The following KIF3A variants were observed in gnomAD, a reference collection of about 807,000 sequenced individuals.
KIF3A encodes kinesin family member 3A, also known as kinesin-like protein KIF3A.
In KIF3A, 27 loss-of-function variants were observed where a neutral mutation model predicts 92.6. The observed-to-expected ratio is 0.29, with a 90% CI of 0.21 to 0.40. The LOEUF (loss-of-function observed/expected upper bound fraction) is 0.40, where lower values mean the gene tolerates loss of function less well. Ranked by LOEUF, KIF3A falls within the 10% of genes least tolerant of loss-of-function variation. The pLI is 1.00. For synonymous variants in KIF3A, 250 were observed against 275.4 expected (o/e 0.91, Z 0.92); for missense variants, 581 against 872.6 (o/e 0.67, Z 4.21).
At chr5:132,724,578 G>A (rs1158244076) in intron 4 of KIF3A, among the ~76,000 whole-genome samples, 1 of 151,498 alleles carries the variant, frequency 6.6e-6, no homozygotes, top group Admixed American at 6.6e-5. Flanking sequence ...TCACTTATAG[G>A]TGAGAACTGA....
At chr5:132,702,336 G>T in intron 14 of KIF3A, 124 bp from the exon 15 acceptor site, 1 of 912,902 alleles carries the variant, frequency 1.1e-6, no homozygotes, top group Non-Finnish European at 1.6e-6. Flanking sequence ...TTATAAAAAT[G>T]ATAAACAGCG....
Position 132,737,530 on chromosome 5 carries a change from C to T in KIF3A, c.-111G>A, listed in dbSNP as rs1040169943. 90 of 1,289,748 alleles carry T rather than the reference C, an allele frequency of 7.0e-5. No individual in the cohort carries two copies. The Middle Eastern group carries it at 1.7e-3, about 24-fold the overall frequency. The allele number at this position is 1,289,748 out of a possible 1,614,324, so 79.9% of individuals were successfully genotyped here. On this transcript the variant is annotated 5_prime_UTR_variant, in exon 1 of 19. Coordinates refer to ENST00000403231, the MANE Select transcript of KIF3A (RefSeq NM_001300791.2). ...TACCGAAACACCTCGTTGACGCTCTCGAGACTGCGGCTTCTCGGGCGAGAG... is the reference window on the plus strand; with the variant it reads ...TACCGAAACACCTCGTTGACGCTCTTGAGACTGCGGCTTCTCGGGCGAGAG...
chr5:132,726,420 C>T lies in KIF3A; in HGVS notation c.359G>A (p.Arg120Lys). The change falls in exon 3 of 19, where the codon AGA becomes AAA. Residue 120 changes from arginine (R) to lysine (K), a missense_variant. Physicochemically the swap from Arg to Lys is conservative, Grantham distance 26 (BLOSUM62 2). This residue lies in a region of KIF3A where 217 missense variants were observed against 299.7 expected (regional missense o/e 0.72). Transcript: ENST00000403231. The stretch of plus-strand genomic sequence containing the variant: ...AGCAAATGAATTGGGAATTATTCCT[C>T]TAAGTTCAGGAATAGCTCGAACACC... ...MEGVRAIPEL[R>K]GIIPNSFAHI... The T allele has an allele frequency of 1.2e-6, 2 of 1,613,266 alleles. No individual in the cohort carries two copies. Among genetic ancestry groups the T allele is most frequent in the Non-Finnish European group, 1.7e-6 (2 of 1,179,264 alleles).
In KIF3A at chr5:132,702,803, C is replaced by T. The variant is rs867460278; in HGVS notation, c.1647+82G>A. 36 of 1,406,768 alleles carry T rather than the reference C, an allele frequency of 2.6e-5. No homozygotes were observed. The Middle Eastern group carries it at 1.3e-3, about 49-fold the overall frequency. The allele number at this position is 1,406,768 out of a possible 1,614,324, so 87.1% of individuals were successfully genotyped here. A position where few individuals can be genotyped will look rare whatever the true frequency, so the allele number is the denominator to read the frequency against. ...ATAAATATGCTTTAAAATTTCAATA[C>T]GATTATAGATATTTAGCTTTCCACT... On this transcript the variant is annotated intron_variant, in intron 13 of 18. Transcript: ENST00000403231.
chr5:132,725,296 C>T (rs145796738), intron 4 of KIF3A, among the ~76,000 whole-genome samples: 221 of 152,182 alleles, frequency 1.5e-3, no homozygotes, highest in African/African-American at 4.9e-3. Context: ...ATCCTTAACA[C>T]TGTAATACAC....
chr5:132,715,779 T>G lies in KIF3A; in HGVS notation c.1107A>C (p.Glu369Asp). ...LLRQFQKEIE[E>D]LKKKLEEGEE... Reference sequence around the variant, plus strand: ...TACCTTCTTCAAGCTTCTTTTTCAGTTCTTCTATTTCTTTCTGGAACTGAC... The same window carrying G: ...TACCTTCTTCAAGCTTCTTTTTCAGGTCTTCTATTTCTTTCTGGAACTGAC... The change falls in exon 8 of 19, where the codon GAA becomes GAC. Residue 369 changes from glutamate to aspartate, a missense_variant. Coordinates refer to ENST00000403231, the MANE Select transcript of KIF3A (RefSeq NM_001300791.2). The G allele has an allele frequency of 6.2e-7, 1 of 1,606,758 alleles. No individual in the cohort carries two copies. The highest frequency in any genetic ancestry group is 8.5e-7 in the Non-Finnish European group (1 of 1,178,044).
In KIF3A at chr5:132,720,917, G is replaced by A. The variant is rs181186329; in HGVS notation, c.511-203C>T. On this transcript the variant is annotated intron_variant, in intron 4 of 18. Transcript: ENST00000403231. ...AAAATTATTTTATTTCAATTGTGAT[G>A]ACATGAAGAAAAATACAGAAAAAGT... is the stretch of plus-strand genomic sequence containing the variant. Among the ~76,000 whole-genome samples the A allele has an allele frequency of 2.0e-3, 303 of 152,248 alleles. 1 individual carries two copies. The highest frequency in any genetic ancestry group is 3.4e-3 in the Middle Eastern group (1 of 294).
chr5:132,734,865 C>A (rs1490877355), intron 1 of KIF3A, among the ~76,000 whole-genome samples: 1 of 152,146 alleles, frequency 6.6e-6, no homozygotes, highest in Non-Finnish European at 1.5e-5. Flanking sequence ...AATAGTAGGT[C>A]CTTTGTTTCC....
downstream of KIF3A, among the ~76,000 whole-genome samples, chr5:132,690,119 G>A (rs906736646): frequency 6.6e-6 from 1 of 152,224 alleles, no homozygotes; most frequent in Non-Finnish European, 1.5e-5. Context: ...GGCAGGCTGA[G>A]GCCGGAGAAT....
chr5:132,714,347 A>G (rs550794353), intron 8 of KIF3A, among the ~76,000 whole-genome samples: 9 of 152,368 alleles, frequency 5.9e-5, no homozygotes, highest in East Asian at 1.9e-4. Context: ...CTGAAGACGG[A>G]TAACTGCAGA....
intron 9 of KIF3A, 29 bp from the exon 10 acceptor site, chr5:132,709,007 G>A: frequency 6.7e-7 from 1 of 1,494,548 alleles, no homozygotes; most frequent in Non-Finnish European, 9.1e-7. Context: ...AGCCCAACAG[G>A]AACCAAAGAA....
chr5:132,717,679 T>C (rs76325556), intron 5 of KIF3A, among the ~76,000 whole-genome samples: 26 of 152,208 alleles, frequency 1.7e-4, no homozygotes, highest in Non-Finnish European at 3.1e-4. Flanking sequence ...TATTTGCATA[T>C]GTGTAAATAT....
chr5:132,735,304 A>T (rs2149925357), intron 1 of KIF3A, among the ~76,000 whole-genome samples: 1 of 152,292 alleles, frequency 6.6e-6, no homozygotes, highest in South Asian at 2.1e-4. Context: ...CGAACTCCTG[A>T]CCGCAAGTGA....
At chr5:132,735,305 C>T (rs957958656) in intron 1 of KIF3A, among the ~76,000 whole-genome samples, 1 of 152,140 alleles carries the variant, frequency 6.6e-6, no homozygotes, top group African/African-American at 2.4e-5. Flanking sequence ...GAACTCCTGA[C>T]CGCAAGTGAT....
At chr5:132,720,741 A>AT (rs768553346) in intron 4 of KIF3A, 27 bp from the exon 5 acceptor site, 25 of 1,262,468 alleles carry the variant, frequency 2.0e-5, no homozygotes, top group Non-Finnish European at 2.7e-5. Flanking sequence ...ACTTTATACT[A>AT]TATCAATAAC....
At position 132,692,844 on chromosome 5, in the gene KIF3A, A is replaced by G. The variant is rs1230917003; in HGVS notation, c.*3790T>C. 3 of 152,896 alleles carry G rather than the reference A, an allele frequency of 2.0e-5. No homozygotes were observed. The highest frequency in any genetic ancestry group is 2.1e-4 in the South Asian group (1 of 4,830). 9.5% of individuals were successfully genotyped at this position (152,896 alleles called of 1,614,324 possible). Reference sequence around the variant, plus strand: ...TTCATTAAATTAGTCAGACTACAGTATAAGTTCAAAGGCACTAGAAACATC... The same window carrying G: ...TTCATTAAATTAGTCAGACTACAGTGTAAGTTCAAAGGCACTAGAAACATC... On this transcript the variant is annotated 3_prime_UTR_variant, in exon 19 of 19. Coordinates refer to ENST00000403231, the MANE Select transcript of KIF3A (RefSeq NM_001300791.2).
intron 7 of KIF3A, 141 bp downstream of exon 7, chr5:132,716,104 C>A: frequency 1.2e-6 from 1 of 845,494 alleles, no homozygotes; most frequent in South Asian, 1.8e-5. Flanking sequence ...GGCTAATACA[C>A]GAGTGTACCA....
downstream of KIF3A, among the ~76,000 whole-genome samples, chr5:132,691,577 T>TA (rs1255182883): frequency 6.8e-6 from 1 of 146,700 alleles, no homozygotes; most frequent in African/African-American, 2.5e-5. Flanking sequence ...TGGTGAAAAA[T>TA]ACAGTTTATC....
intron 2 of KIF3A, among the ~76,000 whole-genome samples, chr5:132,730,651 A>C: frequency 6.6e-6 from 1 of 151,728 alleles, no homozygotes. Flanking sequence ...TTAGCTGGGC[A>C]TGGTGCGGTG....
Sources: allele counts gnomAD v4.1 joint callset (sites outside exome capture counted in the v4.1 genomes callset), GRCh38; gene constraint gnomAD v4.1.1; regional missense constraint gnomAD v4.1.1; transcripts MANE v1.5; gene names NCBI Gene and HGNC (gene_info 2026-07-23, HGNC 2026-07-21).